Variants in FRMD5 observed in about 807,000 individuals in gnomAD.
The protein encoded by FRMD5 is FERM domain-containing protein 5.
Under a neutral mutation model 69.0 loss-of-function variants are expected in FRMD5, and 20 were observed. The ratio of observed to expected loss-of-function variants is 0.29; its 90% confidence interval spans 0.20 to 0.42. FRMD5 has a LOEUF of 0.42. FRMD5 is among the 10% of genes least tolerant of loss of function. The pLI is 1.00. For missense variants in FRMD5, 595 were observed against 708.6 expected (o/e 0.84, Z 1.82); for synonymous variants, 271 against 260.1 (o/e 1.04, Z -0.40).
chr15:44,195,199 T>TTCCTCCTCCTTA lies in FRMD5; in HGVS notation c.-157_-146dup. The TTCCTCCTCCTTA allele has an allele frequency of 1.0e-5, 6 of 577,626 alleles. No homozygotes were observed. Among genetic ancestry groups the TTCCTCCTCCTTA allele is most frequent in the South Asian group, 6.3e-5 (3 of 47,270 alleles). 35.8% of individuals were successfully genotyped at this position (577,626 alleles called of 1,614,324 possible). ...CTGCCGTTGCCTCCTGCTGGCCTCGTTCCTCCTCCTTATCCTCCTCCTTCC... is the reference window on the plus strand; with the variant it reads ...CTGCCGTTGCCTCCTGCTGGCCTCGTTCCTCCTCCTTATCCTCCTCCTTATCCTCCTCCTTCC... On this transcript the variant is annotated 5_prime_UTR_variant, in exon 1 of 14. Transcript: ENST00000417257.
chr15:43,919,607 T>C, intron 3 of FRMD5, 70 bp from the exon 4 acceptor site: 2 of 1,514,974 alleles, frequency 1.3e-6, no homozygotes, highest in East Asian at 2.3e-5. Context: ...TTCTGCCCAC[T>C]AGCATGAAGC....
chr15:44,148,219 A>G (rs753341232), intron 1 of FRMD5, among the ~76,000 whole-genome samples: 19 of 152,114 alleles, frequency 1.2e-4, no homozygotes, highest in Non-Finnish European at 2.6e-4. Flanking sequence ...AAATAAATGA[A>G]GATATAGGCA....
chr15:44,128,561 T>C (rs1221479672), intron 1 of FRMD5, among the ~76,000 whole-genome samples: 1 of 152,192 alleles, frequency 6.6e-6, no homozygotes, highest in Non-Finnish European at 1.5e-5. Context: ...CTGATTAAGA[T>C]ATATGGTAGG....
chr15:43,911,857 G>T (rs544504800), intron 4 of FRMD5, among the ~76,000 whole-genome samples: 17 of 152,218 alleles, frequency 1.1e-4, no homozygotes, highest in African/African-American at 4.1e-4. Flanking sequence ...AACAGGAAGA[G>T]GGCTGTTGAC....
chr15:44,028,400 T>C (rs558616934), intron 1 of FRMD5, among the ~76,000 whole-genome samples: 1 of 152,208 alleles, frequency 6.6e-6, no homozygotes, highest in East Asian at 1.9e-4. Context: ...ATAAATCAGT[T>C]TGTTAAATAA....
At chr15:44,034,197 G>C (rs1460996125) in intron 1 of FRMD5, among the ~76,000 whole-genome samples, 1 of 152,194 alleles carries the variant, frequency 6.6e-6, no homozygotes. Context: ...ATGCTCCTTA[G>C]GCAGGTGTCT....
At chr15:44,039,054 G>A (rs912216877) in intron 1 of FRMD5, among the ~76,000 whole-genome samples, 6 of 152,080 alleles carry the variant, frequency 3.9e-5, no homozygotes, top group Non-Finnish European at 8.8e-5. Flanking sequence ...CCCTCACAGT[G>A]TAAACAAAGC....
chr15:43,964,926 CAGG>C lies in FRMD5; in HGVS notation c.103-40620_103-40618del, dbSNP rs2090267973. Among the ~76,000 whole-genome samples the C allele has an allele frequency of 2.0e-5, 3 of 152,188 alleles. No homozygotes were observed. In the South Asian group the frequency reaches 6.2e-4, roughly 32 times the overall value. ...TACCATGACTGTAGGCAAAAGACTGCAGGAGAACTAAGTATAATTAGGGTTGCT... is the reference window on the plus strand; with the variant it reads ...TACCATGACTGTAGGCAAAAGACTGCAGAACTAAGTATAATTAGGGTTGCT... On this transcript the variant is annotated intron_variant, in intron 1 of 13. Coordinates refer to ENST00000417257, the MANE Select transcript of FRMD5 (RefSeq NM_032892.5).
intron 1 of FRMD5, among the ~76,000 whole-genome samples, chr15:44,154,275 G>C (rs1159018473): frequency 6.6e-6 from 1 of 152,026 alleles, no homozygotes; most frequent in Non-Finnish European, 1.5e-5. Context: ...AGTGAGCCAT[G>C]ATTGCACTTC....
At chr15:44,120,730 G>A (rs1244865097) in intron 1 of FRMD5, among the ~76,000 whole-genome samples, 2 of 150,804 alleles carry the variant, frequency 1.3e-5, no homozygotes, top group African/African-American at 4.9e-5. Context: ...GGGTTTCACC[G>A]TGTCAGCCAG....
intron 1 of FRMD5, among the ~76,000 whole-genome samples, chr15:44,170,819 A>G (rs1228784319): frequency 1.3e-5 from 2 of 152,204 alleles, no homozygotes; most frequent in African/African-American, 4.8e-5. Context: ...TATAACATGA[A>G]AACTCTAAAT....
intron 1 of FRMD5, among the ~76,000 whole-genome samples, chr15:43,985,975 A>G (rs1245101038): frequency 6.6e-6 from 1 of 152,242 alleles, no homozygotes; most frequent in Non-Finnish European, 1.5e-5. Flanking sequence ...GAATGCAGGA[A>G]TTGACTGAGG....
intron 1 of FRMD5, among the ~76,000 whole-genome samples, chr15:43,983,180 C>T (rs2140628880): frequency 6.6e-6 from 1 of 152,314 alleles, no homozygotes; most frequent in Admixed American, 6.5e-5. Context: ...ATCCACCAGC[C>T]TCAGCCTCCC....
intron 1 of FRMD5, among the ~76,000 whole-genome samples, chr15:44,092,120 G>A (rs72716080): frequency 0.01 from 1,585 of 152,120 alleles, 18 homozygotes; most frequent in Non-Finnish European, 0.015. Flanking sequence ...TCTTTTGGTC[G>A]TCACTCTCTT....
intron 1 of FRMD5, among the ~76,000 whole-genome samples, chr15:44,148,355 T>A (rs923529239): frequency 6.6e-6 from 1 of 151,956 alleles, no homozygotes; most frequent in African/African-American, 2.4e-5. Context: ...CACTGCAAGC[T>A]CTGCCTCCCG....
intron 1 of FRMD5, among the ~76,000 whole-genome samples, chr15:44,089,451 C>A (rs1446350451): frequency 6.6e-6 from 1 of 152,052 alleles, no homozygotes; most frequent in East Asian, 1.9e-4. Flanking sequence ...CGCCTGTAAT[C>A]CCAGCACTTT....
chr15:43,982,003 C>T (rs2090555760), intron 1 of FRMD5, among the ~76,000 whole-genome samples: 1 of 152,222 alleles, frequency 6.6e-6, no homozygotes, highest in Non-Finnish European at 1.5e-5. Context: ...TTTTCTCCAG[C>T]AGGAATTTAT....
At position 43,873,785 on chromosome 15, in the gene FRMD5, G is replaced by C. The variant is rs2088231475; in HGVS notation, c.*100C>G. ...ACTTTGAGTCATGAGAGGAGGACTT[G>C]GTATATGTGCCGATGGTTCCGCGAT... On this transcript the variant is annotated 3_prime_UTR_variant, in exon 14 of 14. Transcript: ENST00000417257. The C allele has an allele frequency of 6.5e-7, 1 of 1,542,590 alleles. No individual in the cohort carries two copies. Among genetic ancestry groups the C allele is most frequent in the Admixed American group, 2.1e-5 (1 of 48,738 alleles).
rs543236690 is a variant in FRMD5 at position 44,027,557 on chromosome 15, C to T, written c.103-103248G>A. 3.3e-5 allele frequency among the ~76,000 whole-genome samples: 5 copies of T among 151,914 alleles called. No homozygotes were observed. The South Asian group carries it at 8.3e-4, about 25-fold the overall frequency. ...TATTCTGCGACCCTTGCAGAAGCAA[C>T]AGCCCTGATTTTGGTCATGCCACTT... is the stretch of plus-strand genomic sequence containing the variant. On this transcript the variant is annotated intron_variant, in intron 1 of 13. Coordinates refer to ENST00000417257, the MANE Select transcript of FRMD5 (RefSeq NM_032892.5).
Sources: gnomAD v4.1 joint callset for allele counts (sites outside exome capture counted in the v4.1 genomes callset) on GRCh38, gnomAD v4.1.1 for gene constraint, MANE v1.5 for transcripts, NCBI Gene and HGNC (gene_info 2026-07-23, HGNC 2026-07-21) for gene names.